Variants in CAPZB observed in about 807,000 individuals in gnomAD.
CAPZB encodes F-actin-capping protein subunit beta.
Under a neutral mutation model 38.1 loss-of-function variants are expected in CAPZB, and 2 were observed. The ratio of observed to expected loss-of-function variants is 0.05; its 90% CI spans 0.02 to 0.17. CAPZB has a LOEUF of 0.17. Among genes scored for constraint, CAPZB ranks in the 10% least tolerant of loss-of-function variants. CAPZB has a pLI of 1.00. For missense variants in CAPZB, 161 were observed against 334.2 expected (o/e 0.48, Z 4.04); for synonymous variants, 107 against 127.4 (o/e 0.84, Z 1.08).
chr1:19,429,545 T>C (rs921401923), intron 1 of CAPZB, among the ~76,000 whole-genome samples: 1 of 152,208 alleles, frequency 6.6e-6, no homozygotes, highest in African/African-American at 2.4e-5. Flanking sequence ...GACGGTACTG[T>C]CTACCTCACG....
chr1:19,471,591 G>A (rs561134557), intron 1 of CAPZB, among the ~76,000 whole-genome samples: 146 of 133,092 alleles, frequency 1.1e-3, no homozygotes, highest in African/African-American at 3.5e-3. Flanking sequence ...TCGGCTGGGC[G>A]CTGTGGCTCA....
At chr1:19,446,379 G>A (rs973268584) in intron 1 of CAPZB, among the ~76,000 whole-genome samples, 1 of 152,218 alleles carries the variant, frequency 6.6e-6, no homozygotes, top group African/African-American at 2.4e-5. Flanking sequence ...TAATATGACA[G>A]TGAGCCATGT....
intron 2 of CAPZB, among the ~76,000 whole-genome samples, chr1:19,396,666 C>T (rs149505973): frequency 2.0e-5 from 3 of 151,930 alleles, no homozygotes; most frequent in African/African-American, 7.3e-5. Flanking sequence ...ATTGGCCAGA[C>T]GCAGTGGCTC....
rs1057280357 is a variant in CAPZB, at chr1:19,444,767, G to C, written c.4-25017C>G. Among the ~76,000 whole-genome samples the C allele has an allele frequency of 5.3e-4, 80 of 152,130 alleles. 1 individual carries two copies. The highest frequency in any genetic ancestry group is 1.8e-4 in the Non-Finnish European group (12 of 68,026). Reference sequence around the variant, plus strand: ...GTATTTTATTTTTATTTTTGAGATGGAATCTCACTCTGTTGCCCAGGCTGG... The same window carrying C: ...GTATTTTATTTTTATTTTTGAGATGCAATCTCACTCTGTTGCCCAGGCTGG... On this transcript the variant is annotated intron_variant, in intron 1 of 8. Transcript: ENST00000264202.
At chr1:19,403,785 A>C (rs1474714861) in intron 2 of CAPZB, among the ~76,000 whole-genome samples, 2 of 152,214 alleles carry the variant, frequency 1.3e-5, no homozygotes, top group African/African-American at 4.8e-5. Context: ...AGGCTGGATA[A>C]GGTGGATGGC....
chr1:19,379,942 G>C (rs1379595230), intron 3 of CAPZB, among the ~76,000 whole-genome samples: 1 of 152,126 alleles, frequency 6.6e-6, no homozygotes, highest in East Asian at 1.9e-4. Flanking sequence ...CACTGTCAGA[G>C]ACCCACAATG....
At chr1:19,468,794 C>T (rs564346589) in intron 1 of CAPZB, among the ~76,000 whole-genome samples, 3 of 152,284 alleles carry the variant, frequency 2.0e-5, no homozygotes, top group East Asian at 1.9e-4. Flanking sequence ...CGGCACACGC[C>T]GTCTCTCTGC....
intron 8 of CAPZB, among the ~76,000 whole-genome samples, chr1:19,343,143 C>T (rs1443008917): frequency 1.3e-5 from 2 of 152,146 alleles, no homozygotes; most frequent in African/African-American, 2.4e-5. Flanking sequence ...GTTGGCTGGG[C>T]GGGAAAGTGT....
chr1:19,459,316 C>A (rs530864058), intron 1 of CAPZB, among the ~76,000 whole-genome samples: 25 of 152,268 alleles, frequency 1.6e-4, no homozygotes, highest in Admixed American at 9.8e-4. Context: ...AAATGTCTAT[C>A]AAAGTCTTAG....
intron 4 of CAPZB, among the ~76,000 whole-genome samples, chr1:19,358,808 G>A (rs913792950): frequency 3.3e-5 from 5 of 152,226 alleles, no homozygotes; most frequent in Non-Finnish European, 2.9e-5. Flanking sequence ...CAAAGCCACG[G>A]TGTGGCAGGT....
chr1:19,427,473 T>C (rs1362979230), intron 1 of CAPZB, among the ~76,000 whole-genome samples: 2 of 152,250 alleles, frequency 1.3e-5, no homozygotes, highest in African/African-American at 4.8e-5. Flanking sequence ...GTTTGTCTTG[T>C]ATAATCCGTG....
At chr1:19,379,299 G>C (rs2094161412) in intron 3 of CAPZB, among the ~76,000 whole-genome samples, 1 of 152,016 alleles carries the variant, frequency 6.6e-6, no homozygotes, top group South Asian at 2.1e-4. Flanking sequence ...GAGTTTGGCC[G>C]TGTCGGCCAG....
intron 1 of CAPZB, among the ~76,000 whole-genome samples, chr1:19,437,697 T>G (rs761982887): frequency 3.3e-5 from 5 of 152,046 alleles, no homozygotes; most frequent in Non-Finnish European, 7.4e-5. Flanking sequence ...ACACCTCCCC[T>G]TGCTCCCGCC....
At chr1:19,409,975 T>C (rs1558236872) in intron 2 of CAPZB, among the ~76,000 whole-genome samples, 2 of 152,230 alleles carry the variant, frequency 1.3e-5, no homozygotes, top group East Asian at 1.9e-4. Context: ...GCTGTTGCAA[T>C]AGAGTTTTAG....
chr1:19,481,291 T>C (rs1040760002), intron 1 of CAPZB, among the ~76,000 whole-genome samples: 9 of 152,174 alleles, frequency 5.9e-5, no homozygotes, highest in South Asian at 2.1e-4. Flanking sequence ...GGTCCCAATA[T>C]GGGTGATCTT....
chr1:19,407,283 T>G (rs1412890499), intron 2 of CAPZB, among the ~76,000 whole-genome samples: 1 of 152,188 alleles, frequency 6.6e-6, no homozygotes, highest in Non-Finnish European at 1.5e-5. Flanking sequence ...ATTTTCTGCA[T>G]CAGGGTCATG....
intron 2 of CAPZB, among the ~76,000 whole-genome samples, chr1:19,401,721 T>G (rs1392356610): frequency 6.6e-6 from 1 of 152,096 alleles, no homozygotes; most frequent in African/African-American, 2.4e-5. Flanking sequence ...CGTGCTGTGT[T>G]TTTTGTTTGC....
At chr1:19,367,272 T>C (rs998622668) in intron 4 of CAPZB, among the ~76,000 whole-genome samples, 4 of 152,062 alleles carry the variant, frequency 2.6e-5, no homozygotes, top group Non-Finnish European at 5.9e-5. Flanking sequence ...ATAAGGAAGA[T>C]CACAAGAAAA....
chr1:19,364,781 T>A (rs1027281839), intron 4 of CAPZB, among the ~76,000 whole-genome samples: 1 of 152,090 alleles, frequency 6.6e-6, no homozygotes, highest in African/African-American at 2.4e-5. Flanking sequence ...TCATTAGCAA[T>A]CACACCTAAT....
Sources: allele counts gnomAD v4.1 joint callset (sites outside exome capture counted in the v4.1 genomes callset), GRCh38; gene constraint gnomAD v4.1.1; transcripts MANE v1.5; gene names NCBI Gene and HGNC (gene_info 2026-07-23, HGNC 2026-07-21).